Variants in CASP9 observed in about 807,000 individuals in gnomAD.
The protein encoded by CASP9 is caspase-9.
A neutral mutation model predicts 43.5 loss-of-function variants in CASP9; 29 were observed. That is an observed-to-expected ratio of 0.67 (90% CI 0.50 to 0.91). The LOEUF (loss-of-function observed/expected upper bound fraction) is 0.91, where lower values mean the gene tolerates loss of function less well. CASP9 is among the 40% of genes least tolerant of loss of function. The probability of loss-of-function intolerance (pLI) is 0.00; values close to 1 mark genes in which losing one functional copy is unlikely to be tolerated. For synonymous variants in CASP9, 206 were observed against 211.9 expected (o/e 0.97, Z 0.24); for missense variants, 575 against 537.4 (o/e 1.07, Z -0.69).
intron 1 of CASP9, among the ~76,000 whole-genome samples, chr1:15,523,161 T>C (rs1048491191): frequency 6.6e-6 from 1 of 152,218 alleles, no homozygotes; most frequent in Non-Finnish European, 1.5e-5. Context: ...TTATTCTCCA[T>C]TCTGCATCAG....
At chr1:15,498,807 T>C (rs1709213624) in intron 6 of CASP9, among the ~76,000 whole-genome samples, 1 of 139,238 alleles carries the variant, frequency 7.2e-6, no homozygotes, top group Admixed American at 8.0e-5. Context: ...TGGAATGCAG[T>C]GGCGCGATGG....
At chr1:15,510,150 G>A (rs1709701776) in intron 2 of CASP9, among the ~76,000 whole-genome samples, 1 of 152,168 alleles carries the variant, frequency 6.6e-6, no homozygotes, top group East Asian at 1.9e-4. Flanking sequence ...GGCTGGTCTC[G>A]AACTCCTGAC....
chr1:15,522,211 G>A (rs1158975272), intron 1 of CASP9, among the ~76,000 whole-genome samples: 1 of 152,216 alleles, frequency 6.6e-6, no homozygotes. Flanking sequence ...CTCATTGGTT[G>A]TGGTTTTTTA....
chr1:15,513,879 T>C (rs4646018), intron 2 of CASP9, among the ~76,000 whole-genome samples: 89,127 of 151,922 alleles, frequency 0.59, 26,809 homozygotes, highest in African/African-American at 0.71. Context: ...GTCTCTGGGC[T>C]TCTGATTTCC....
intron 2 of CASP9, among the ~76,000 whole-genome samples, chr1:15,510,614 T>A (rs557648569): frequency 6.6e-6 from 1 of 151,956 alleles, no homozygotes; most frequent in Non-Finnish European, 1.5e-5. Context: ...CAGGTGCCCA[T>A]GGAGGGAGCA....
upstream of CASP9, chr1:15,524,482 C>A (rs1570886011): frequency 4.8e-6 from 4 of 836,404 alleles, no homozygotes. Flanking sequence ...ACACGCTCCG[C>A]GTCACCGCCC....
At chr1:15,524,452 CATCACCGCGCCGCCCCAGAACACG>C, upstream of CASP9, 1 of 1,142,640 alleles carries the variant, frequency 8.8e-7, no homozygotes, top group Non-Finnish European at 1.1e-6. Context: ...CCAAGCCTCC[CATCACCGCGCCGCCCCAGAACACG>C]CTCCGCGTCA....
At position 15,513,266 on chromosome 1, in the gene CASP9, G is replaced by A. The variant is rs567348018; in HGVS notation, c.418+4844C>T. 4.0e-5 allele frequency among the ~76,000 whole-genome samples: 6 copies of A among 151,896 alleles called. No individual in the cohort carries two copies. The South Asian group carries it at 8.3e-4, about 21-fold the overall frequency. On this transcript the variant is annotated intron_variant, in intron 2 of 8. Transcript: ENST00000333868. ...TTTACTAAGTACCTGCTGAGTTCTAGGTGTTGGGGATGCAGCATTGAACAA... is the reference window on the plus strand; with the variant it reads ...TTTACTAAGTACCTGCTGAGTTCTAAGTGTTGGGGATGCAGCATTGAACAA...
At chr1:15,504,844 G>C in intron 5 of CASP9, 86 bp from the exon 6 acceptor site, 3 of 1,383,128 alleles carry the variant, frequency 2.2e-6, no homozygotes, top group Non-Finnish European at 3.0e-6. Context: ...GGGAGCCAAG[G>C]ATTTGGAAGG....
In CASP9 at chr1:15,524,051, A is replaced by AGGGGGGC; in HGVS notation, c.132+17_132+18insGCCCCCC. On this transcript the variant is annotated intron_variant, in intron 1 of 8. Transcript: ENST00000333868. ...GGACCCGGCCGTGCAGCGCGGGGACAGGGGGCCGGGGGCGCACCTGGATGT... is the reference window on the plus strand; with the variant it reads ...GGACCCGGCCGTGCAGCGCGGGGACAGGGGGGCGGGGGCCGGGGGCGCACCTGGATGT... 1 of 1,392,356 alleles carries AGGGGGGC rather than the reference A, an allele frequency of 7.2e-7. No homozygotes were observed. The highest frequency in any genetic ancestry group is 2.5e-5 in the Admixed American group (1 of 39,600). 86.3% of individuals were successfully genotyped at this position (1,392,356 alleles called of 1,614,324 possible).
intron 6 of CASP9, among the ~76,000 whole-genome samples, chr1:15,499,439 T>C (rs1709238721): frequency 6.6e-6 from 1 of 152,214 alleles, no homozygotes; most frequent in South Asian, 2.1e-4. Context: ...TTGTACTTCT[T>C]GCACTATGGC....
chr1:15,509,667 G>A (rs530696082), intron 2 of CASP9, among the ~76,000 whole-genome samples: 1 of 151,560 alleles, frequency 6.6e-6, no homozygotes, highest in African/African-American at 2.4e-5. Context: ...AACGTGCTGC[G>A]TGAAAAAAGC....
intron 2 of CASP9, among the ~76,000 whole-genome samples, chr1:15,515,042 T>A (rs1709899628): frequency 6.6e-6 from 1 of 152,064 alleles, no homozygotes; most frequent in East Asian, 1.9e-4. Flanking sequence ...AATTAAGTGA[T>A]CTTACTATTG....
At chr1:15,504,142 G>A (rs951642289) in intron 6 of CASP9, among the ~76,000 whole-genome samples, 3 of 152,112 alleles carry the variant, frequency 2.0e-5, no homozygotes, top group Non-Finnish European at 4.4e-5. Flanking sequence ...CCCAGCCCAA[G>A]TAATCTTTAA....
intron 6 of CASP9, among the ~76,000 whole-genome samples, chr1:15,502,447 C>T (rs1484918495): frequency 2.6e-5 from 4 of 151,954 alleles, no homozygotes; most frequent in African/African-American, 9.7e-5. Context: ...ATAGTGAGAC[C>T]CCCATCTCTA....
intron 6 of CASP9, among the ~76,000 whole-genome samples, chr1:15,500,503 T>C (rs967959324): frequency 6.6e-6 from 1 of 152,198 alleles, no homozygotes; most frequent in African/African-American, 2.4e-5. Flanking sequence ...CACTGGTCAT[T>C]GGCATTCTCC....
upstream of CASP9, chr1:15,524,899 G>A: frequency 1.1e-5 from 3 of 272,806 alleles, no homozygotes; most frequent in Non-Finnish European, 4.2e-6. Context: ...CCACCGCCCC[G>A]CCCCCAGGAT....
At chr1:15,500,004 A>G (rs1012893262) in intron 6 of CASP9, among the ~76,000 whole-genome samples, 2 of 152,170 alleles carry the variant, frequency 1.3e-5, no homozygotes, top group African/African-American at 4.8e-5. Context: ...ACTGAAGTGG[A>G]GACACTGACG....
rs1321674926 is a variant in CASP9 at position 15,514,124 on chromosome 1, T to C, written c.418+3986A>G. ...ACCCTTTGGGCCAGATTCTTCTTTA[T>C]TGTGCAGAGCTACTCTGTACACTGT... On this transcript the variant is annotated intron_variant, in intron 2 of 8. Coordinates refer to ENST00000333868, the MANE Select transcript of CASP9 (RefSeq NM_001229.5). Among the ~76,000 whole-genome samples the C allele has an allele frequency of 2.6e-5, 4 of 152,192 alleles. No individual in the cohort carries two copies. The East Asian group carries it at 5.8e-4, about 22-fold the overall frequency.
Sources: allele counts gnomAD v4.1 joint callset (sites outside exome capture counted in the v4.1 genomes callset), GRCh38; gene constraint gnomAD v4.1.1; transcripts MANE v1.5; gene names NCBI Gene and HGNC (gene_info 2026-07-23, HGNC 2026-07-21).